The following SLC25A48 variants were observed in gnomAD, a reference collection of about 807,000 sequenced individuals.
SLC25A48 encodes solute carrier family 25 member 48.
In SLC25A48, 29 loss-of-function variants were observed where a neutral mutation model predicts 32.2. The observed-to-expected ratio is 0.90, with a 90% CI of 0.67 to 1.23. The LOEUF (loss-of-function observed/expected upper bound fraction) is 1.23, where lower values mean the gene tolerates loss of function less well. Ranked by LOEUF, SLC25A48 falls within the 50% of genes most tolerant of loss-of-function variation. The probability of loss-of-function intolerance (pLI) is 0.00; values close to 1 mark genes in which losing one functional copy is unlikely to be tolerated. For missense variants in SLC25A48, 399 were observed against 422.7 expected (o/e 0.94, Z 0.49); for synonymous variants, 164 against 172.3 (o/e 0.95, Z 0.38).
intron 7 of SLC25A48, 94 bp from the exon 8 acceptor site, chr5:135,887,938 A>G: frequency 8.6e-7 from 1 of 1,161,752 alleles, no homozygotes; most frequent in Non-Finnish European, 1.3e-6. Context: ...TGCAAAACAT[A>G]GGGGTTAGAG....
intron 3 of SLC25A48, among the ~76,000 whole-genome samples, chr5:135,635,939 A>G (rs1223933992): frequency 1.3e-5 from 2 of 152,180 alleles, no homozygotes; most frequent in South Asian, 2.1e-4. Context: ...CCCGAAGCAA[A>G]TGTCAGAAAA....
chr5:135,684,098 A>G (rs138424926), intron 3 of SLC25A48, among the ~76,000 whole-genome samples: 252 of 152,280 alleles, frequency 1.7e-3, no homozygotes, highest in African/African-American at 5.9e-3. Context: ...TGTATTTTTA[A>G]TAGGTAACAT....
At chr5:135,656,374 G>T (rs938476582) in intron 3 of SLC25A48, among the ~76,000 whole-genome samples, 2 of 152,142 alleles carry the variant, frequency 1.3e-5, no homozygotes, top group African/African-American at 4.8e-5. Flanking sequence ...TTTACACCCA[G>T]ATTGGGCACC....
At chr5:135,758,293 G>A (rs1755972522) in intron 3 of SLC25A48, among the ~76,000 whole-genome samples, 1 of 150,512 alleles carries the variant, frequency 6.6e-6, no homozygotes, top group African/African-American at 2.4e-5. Flanking sequence ...TCATCTCTAT[G>A]ATATCTGTAA....
intron 2 of SLC25A48, among the ~76,000 whole-genome samples, chr5:135,847,101 CA>C (rs1759485822): frequency 6.6e-6 from 1 of 152,190 alleles, no homozygotes; most frequent in Non-Finnish European, 1.5e-5. Context: ...TCTGTAGGCC[CA>C]AAATGAGTGC....
intron 4 of SLC25A48, among the ~76,000 whole-genome samples, chr5:135,821,523 C>G (rs1331924527): frequency 6.6e-6 from 1 of 152,202 alleles, no homozygotes; most frequent in Non-Finnish European, 1.5e-5. Context: ...CTGAGTCACT[C>G]TCACAGTCTC....
At chr5:135,671,958 C>A (rs957279134) in intron 3 of SLC25A48, among the ~76,000 whole-genome samples, 1 of 150,708 alleles carries the variant, frequency 6.6e-6, no homozygotes, top group East Asian at 2.0e-4. Context: ...AGCCCCCAAT[C>A]CCTGGCTTGG....
chr5:135,850,275 G>T, intron 2 of SLC25A48, 150 bp from the exon 3 acceptor site: 1 of 686,478 alleles, frequency 1.5e-6, no homozygotes, highest in Non-Finnish European at 2.6e-6. Context: ...GTGCAAGCTG[G>T]AGACAGGGCA....
chr5:135,706,119 T>C (rs6862956), intron 3 of SLC25A48, among the ~76,000 whole-genome samples: 107,545 of 152,050 alleles, frequency 0.71, 38,378 homozygotes, highest in Middle Eastern at 0.77. Flanking sequence ...GCCGCCCCAC[T>C]GCGCCCTTTA....
intron 3 of SLC25A48, among the ~76,000 whole-genome samples, chr5:135,690,581 C>T (rs1754121659): frequency 6.6e-6 from 1 of 152,198 alleles, no homozygotes; most frequent in African/African-American, 2.4e-5. Flanking sequence ...CCCACCTGTC[C>T]CTGCTTTTCC....
chr5:135,625,922 G>T (rs939187037), intron 1 of SLC25A48, among the ~76,000 whole-genome samples: 5 of 152,120 alleles, frequency 3.3e-5, no homozygotes, highest in Non-Finnish European at 5.9e-5. Context: ...AATCTCTCCT[G>T]TAGGTATCTC....
At chr5:135,620,237 C>A (rs1035797473) in intron 1 of SLC25A48, among the ~76,000 whole-genome samples, 16 of 152,122 alleles carry the variant, frequency 1.1e-4, no homozygotes, top group African/African-American at 3.9e-4. Context: ...ACTTCAGACC[C>A]CAGGAGAAGT....
intron 3 of SLC25A48, among the ~76,000 whole-genome samples, chr5:135,707,412 T>C (rs755405897): frequency 1.3e-5 from 2 of 152,202 alleles, no homozygotes; most frequent in African/African-American, 2.4e-5. Context: ...CAAGCGCCTT[T>C]GTGATCTGCC....
intron 3 of SLC25A48, among the ~76,000 whole-genome samples, chr5:135,653,410 A>C (rs1009217357): frequency 6.6e-6 from 1 of 152,200 alleles, no homozygotes; most frequent in Non-Finnish European, 1.5e-5. Context: ...GGAAAACTAC[A>C]GTAACCAAAA....
intron 7 of SLC25A48, 104 bp from the exon 8 acceptor site, chr5:135,887,928 T>G: frequency 9.2e-7 from 1 of 1,084,898 alleles, no homozygotes; most frequent in Non-Finnish European, 1.4e-6. Context: ...AACTGTAAAG[T>G]GCAAAACATA....
At chr5:135,698,157 G>C (rs1754310753) in intron 3 of SLC25A48, among the ~76,000 whole-genome samples, 1 of 152,224 alleles carries the variant, frequency 6.6e-6, no homozygotes, top group African/African-American at 2.4e-5. Flanking sequence ...GCTTCACGGG[G>C]GTGAGGGTCA....
In SLC25A48 at chr5:135,783,267, G is replaced by A. The variant is rs1226657268; in HGVS notation, c.-520-29256G>A. 3.4e-5 allele frequency among the ~76,000 whole-genome samples: 4 copies of A among 117,724 alleles called. 1 individual carries two copies. The highest frequency in any genetic ancestry group is 1.0e-4 in the African/African-American group (4 of 38,770). The allele number at this position is 117,724 out of a possible 152,430, so 77.2% of individuals were successfully genotyped here. ...AGGCATACATATCCACTGTGGTATCGTCCCTAATATCCAAGGAAGACAGAG... is the reference window on the plus strand; with the variant it reads ...AGGCATACATATCCACTGTGGTATCATCCCTAATATCCAAGGAAGACAGAG... On this transcript the variant is annotated intron_variant, in intron 3 of 10. Transcript: ENST00000646290.
chr5:135,888,193 A>T lies in SLC25A48; in HGVS notation c.*169A>T. ...TGACGTGGCCCTTCTGATGCCTGGGATGCCTCATGAGTCACTGATTCAAGC... is the reference window on the plus strand; with the variant it reads ...TGACGTGGCCCTTCTGATGCCTGGGTTGCCTCATGAGTCACTGATTCAAGC... On this transcript the variant is annotated 3_prime_UTR_variant, in exon 8 of 8. Coordinates refer to ENST00000681962, the MANE Select transcript of SLC25A48 (RefSeq NM_001349336.2). The T allele has an allele frequency of 2.9e-6, 3 of 1,039,372 alleles. No individual in the cohort carries two copies. The highest frequency in any genetic ancestry group is 4.3e-6 in the Non-Finnish European group (3 of 700,842). The allele number at this position is 1,039,372 out of a possible 1,614,324, so 64.4% of individuals were successfully genotyped here. A position where few individuals can be genotyped will look rare whatever the true frequency, so the allele number is the denominator to read the frequency against.
chr5:135,585,486 CT>C (rs1295970920), intron 1 of SLC25A48, among the ~76,000 whole-genome samples: 1 of 152,234 alleles, frequency 6.6e-6, no homozygotes, highest in Non-Finnish European at 1.5e-5. Flanking sequence ...ACTCCTCACA[CT>C]TGTAAAGGCT....
Sources: allele counts gnomAD v4.1 joint callset (sites outside exome capture counted in the v4.1 genomes callset), GRCh38; gene constraint gnomAD v4.1.1; transcripts MANE v1.5; gene names NCBI Gene and HGNC (gene_info 2026-07-23, HGNC 2026-07-21).